Variants in GRM5 observed in about 807,000 individuals in gnomAD.
GRM5 encodes the protein glutamate metabotropic receptor 5, also known as metabotropic glutamate receptor 5.
GRM5 carries 19 observed loss-of-function variants against 83.1 expected under a neutral mutation model. The observed-to-expected ratio is 0.23, with a 90% confidence interval of 0.16 to 0.34. GRM5 has a LOEUF of 0.34. Ranked by LOEUF, GRM5 falls within the 10% of genes least tolerant of loss-of-function variation. The probability of loss-of-function intolerance (pLI) is 1.00; values close to 1 mark genes in which losing one functional copy is unlikely to be tolerated. For missense variants in GRM5, 1,160 were observed against 1,588.3 expected (o/e 0.73, Z 4.58); for synonymous variants, 675 against 633.6 (o/e 1.07, Z -0.98).
At chr11:88,975,457 A>G (rs1939302440) in intron 2 of GRM5, among the ~76,000 whole-genome samples, 2 of 152,198 alleles carry the variant, frequency 1.3e-5, no homozygotes, top group Non-Finnish European at 2.9e-5. Flanking sequence ...GGGGTTTGAA[A>G]GGATGCCAGG....
At chr11:88,902,698 G>T (rs558863516) in intron 2 of GRM5, among the ~76,000 whole-genome samples, 154 of 152,184 alleles carry the variant, frequency 1.0e-3, no homozygotes, top group African/African-American at 3.6e-3. Context: ...GTTCACGCCT[G>T]TAATCTCAGC....
chr11:88,833,515 G>T (rs999641727), intron 3 of GRM5, among the ~76,000 whole-genome samples: 1 of 151,322 alleles, frequency 6.6e-6, no homozygotes, highest in African/African-American at 2.4e-5. Context: ...AAAAGGGAAA[G>T]ACAATATTGG....
chr11:88,923,748 T>C (rs904809059), intron 2 of GRM5, among the ~76,000 whole-genome samples: 11 of 152,026 alleles, frequency 7.2e-5, no homozygotes, highest in African/African-American at 2.2e-4. Flanking sequence ...AGGTGATGAA[T>C]ATCTCATTTA....
chr11:88,994,342 A>C (rs1940096941), intron 2 of GRM5, among the ~76,000 whole-genome samples: 1 of 151,534 alleles, frequency 6.6e-6, no homozygotes, highest in Non-Finnish European at 1.5e-5. Context: ...ATCCCTATCA[A>C]AATTCCAATA....
chr11:88,687,579 A>ATAT (rs1250226972), intron 3 of GRM5, among the ~76,000 whole-genome samples: 5 of 46,844 alleles, frequency 1.1e-4, no homozygotes, highest in African/African-American at 5.9e-4. Context: ...ATATATATAT[A>ATAT]ATATATATAT....
At chr11:88,548,877 A>G (rs927828091) in intron 8 of GRM5, among the ~76,000 whole-genome samples, 3 of 152,230 alleles carry the variant, frequency 2.0e-5, no homozygotes, top group Non-Finnish European at 2.9e-5. Context: ...CACCCAGCAC[A>G]TATTTATCAG....
chr11:88,735,743 A>G (rs1400753379), intron 3 of GRM5, among the ~76,000 whole-genome samples: 1 of 151,996 alleles, frequency 6.6e-6, no homozygotes, highest in East Asian at 1.9e-4. Context: ...TTAATCTCAA[A>G]TCTGTGAAGT....
intron 8 of GRM5, among the ~76,000 whole-genome samples, chr11:88,566,814 G>A (rs1018033600): frequency 3.3e-5 from 5 of 151,920 alleles, no homozygotes; most frequent in East Asian, 1.9e-4. Flanking sequence ...CTCCCCCTAC[G>A]CTGTAACTCT....
At chr11:88,714,123 T>C (rs1941346620) in intron 3 of GRM5, among the ~76,000 whole-genome samples, 1 of 152,052 alleles carries the variant, frequency 6.6e-6, no homozygotes, top group South Asian at 2.1e-4. Context: ...TAGGATTTTG[T>C]TTTGTTGTTT....
chr11:88,836,632 A>T (rs1255100098), intron 3 of GRM5, among the ~76,000 whole-genome samples: 1 of 152,032 alleles, frequency 6.6e-6, no homozygotes, highest in Non-Finnish European at 1.5e-5. Context: ...TCTCTAATAA[A>T]AAATATACAA....
chr11:89,029,089 T>C (rs1941198236), intron 2 of GRM5, among the ~76,000 whole-genome samples: 1 of 152,242 alleles, frequency 6.6e-6, no homozygotes, highest in Non-Finnish European at 1.5e-5. Flanking sequence ...GCATCATCCA[T>C]GTCCCTGCAA....
At chr11:88,810,520 A>T (rs1943569941) in intron 3 of GRM5, among the ~76,000 whole-genome samples, 1 of 152,038 alleles carries the variant, frequency 6.6e-6, no homozygotes, top group Admixed American at 6.6e-5. Flanking sequence ...CAGGGATTAA[A>T]TTAGGAAGAG....
chr11:88,670,945 T>C lies in GRM5; in HGVS notation c.912-17542A>G, dbSNP rs552046944. 6.6e-5 allele frequency among the ~76,000 whole-genome samples: 10 copies of C among 152,120 alleles called. No individual in the cohort carries two copies. In the South Asian group the frequency reaches 2.1e-3, roughly 32 times the overall value. ...CAATATAACCCAGCAATTCTGGCCCTAAGTATGTTTCTAACAGAAATGCTA... is the reference window on the plus strand; with the variant it reads ...CAATATAACCCAGCAATTCTGGCCCCAAGTATGTTTCTAACAGAAATGCTA... On this transcript the variant is annotated intron_variant, in intron 3 of 9. Transcript: ENST00000305447.
intron 3 of GRM5, among the ~76,000 whole-genome samples, chr11:88,661,210 C>T (rs1387808968): frequency 1.3e-5 from 2 of 152,054 alleles, no homozygotes; most frequent in African/African-American, 2.4e-5. Context: ...CAGTACATAC[C>T]AAATACTCAA....
At chr11:88,978,629 C>T (rs886631875) in intron 2 of GRM5, among the ~76,000 whole-genome samples, 1 of 150,230 alleles carries the variant, frequency 6.7e-6, no homozygotes, top group African/African-American at 2.5e-5. Flanking sequence ...GCTTGATGTA[C>T]AGTATTTTGT....
chr11:88,746,882 A>T (rs1170665966), intron 3 of GRM5, among the ~76,000 whole-genome samples: 1 of 152,168 alleles, frequency 6.6e-6, no homozygotes, highest in Admixed American at 6.6e-5. Flanking sequence ...AACCATAAAA[A>T]TCCAAAAATC....
chr11:88,613,630 T>G (rs1938388142), intron 4 of GRM5, among the ~76,000 whole-genome samples: 1 of 152,194 alleles, frequency 6.6e-6, no homozygotes, highest in Non-Finnish European at 1.5e-5. Flanking sequence ...CTTGCTTCTT[T>G]ATCCAACTTG....
intron 3 of GRM5, among the ~76,000 whole-genome samples, chr11:88,827,787 A>C (rs11021479): frequency 0.026 from 3,887 of 152,334 alleles, 176 homozygotes; most frequent in African/African-American, 0.089. Context: ...AGCAGTAAAC[A>C]AAATCCCTTT....
rs140756946 is a variant in GRM5, at chr11:88,813,458, C to T, written c.911+36448G>A. On this transcript the variant is annotated intron_variant, in intron 3 of 9. Coordinates refer to ENST00000305447, the MANE Select transcript of GRM5 (RefSeq NM_001143831.3). ...ACTTATTCTACCACCATCTACTTTA[C>T]TTCAATTTTCTATAACTCATTTAAA... Among the ~76,000 whole-genome samples, 9 of 152,248 alleles carry T rather than the reference C, an allele frequency of 5.9e-5. No individual in the cohort carries two copies. The East Asian group carries it at 1.7e-3, about 29-fold the overall frequency.
Sources: gnomAD v4.1 joint callset for allele counts (sites outside exome capture counted in the v4.1 genomes callset) on GRCh38, gnomAD v4.1.1 for gene constraint, MANE v1.5 for transcripts, NCBI Gene and HGNC (gene_info 2026-07-23, HGNC 2026-07-21) for gene names.